The following ARNT2 variants were observed in gnomAD, a reference collection of about 807,000 sequenced individuals.
The protein encoded by ARNT2 is aryl hydrocarbon receptor nuclear translocator 2.
ARNT2 carries 36 observed loss-of-function variants against 91.7 expected under a neutral mutation model. The observed-to-expected ratio is 0.39, with a 90% CI of 0.30 to 0.52. ARNT2 has a LOEUF of 0.52. ARNT2 is among the 20% of genes least tolerant of loss of function. ARNT2 has a pLI of 0.72. For missense variants in ARNT2, 775 were observed against 939.3 expected (o/e 0.83, Z 2.29); for synonymous variants, 365 against 347.1 (o/e 1.05, Z -0.57).
intron 8 of ARNT2, among the ~76,000 whole-genome samples, chr15:80,524,743 C>T (rs146889136): frequency 0.018 from 2,672 of 151,914 alleles, 80 homozygotes; most frequent in African/African-American, 0.061. Context: ...GGCGTGGTGG[C>T]GGGCGCCTGT....
intron 6 of ARNT2, among the ~76,000 whole-genome samples, chr15:80,511,909 A>G (rs1342144159): frequency 6.6e-6 from 1 of 152,140 alleles, no homozygotes. Flanking sequence ...CCTGAATGTG[A>G]GCCCTGAATG....
At chr15:80,547,649 A>G (rs1312105062) in intron 8 of ARNT2, among the ~76,000 whole-genome samples, 1 of 152,256 alleles carries the variant, frequency 6.6e-6, no homozygotes, top group Non-Finnish European at 1.5e-5. Flanking sequence ...TTCAAGGAAA[A>G]CAATTGACAG....
chr15:80,484,182 CAA>C (rs60224399), intron 5 of ARNT2, among the ~76,000 whole-genome samples: 1 of 123,592 alleles, frequency 8.1e-6, no homozygotes, highest in Admixed American at 8.3e-5. Flanking sequence ...ATAAATGTGG[CAA>C]AAAAAAAAAA....
chr15:80,555,230 G>T, intron 11 of ARNT2, 91 bp downstream of exon 11: 1 of 1,416,424 alleles, frequency 7.1e-7, no homozygotes. Flanking sequence ...TATGTGCCAG[G>T]CAGGCTGCAA....
intron 8 of ARNT2, among the ~76,000 whole-genome samples, chr15:80,521,648 C>G (rs1332822135): frequency 1.3e-5 from 2 of 152,164 alleles, no homozygotes; most frequent in East Asian, 1.9e-4. Context: ...CACAAGAACA[C>G]AAAGCATATG....
chr15:80,532,045 A>G (rs1897748889), intron 8 of ARNT2, among the ~76,000 whole-genome samples: 1 of 152,232 alleles, frequency 6.6e-6, no homozygotes, highest in African/African-American at 2.4e-5. Flanking sequence ...AGTGAAAACA[A>G]GAACTGGATG....
chr15:80,427,252 G>A (rs997411023), intron 1 of ARNT2, among the ~76,000 whole-genome samples: 2 of 152,188 alleles, frequency 1.3e-5, no homozygotes, highest in African/African-American at 2.4e-5. Flanking sequence ...GGCTGTGTGA[G>A]TGGGGTTTGT....
At chr15:80,475,779 C>G (rs1896793762) in intron 5 of ARNT2, among the ~76,000 whole-genome samples, 1 of 152,148 alleles carries the variant, frequency 6.6e-6, no homozygotes, top group African/African-American at 2.4e-5. Context: ...ATATATTAGC[C>G]AGATCCATAT....
At chr15:80,409,124 T>C (rs1262578362) in intron 1 of ARNT2, among the ~76,000 whole-genome samples, 33 of 152,182 alleles carry the variant, frequency 2.2e-4, no homozygotes, top group Admixed American at 2.0e-3. Flanking sequence ...CTCTTGATGG[T>C]TGGTAGACGT....
At chr15:80,408,969 A>G (rs935590344) in intron 1 of ARNT2, among the ~76,000 whole-genome samples, 2 of 152,156 alleles carry the variant, frequency 1.3e-5, no homozygotes, top group African/African-American at 4.8e-5. Flanking sequence ...AGGCACAGAG[A>G]TTCCTCATAT....
chr15:80,431,981 A>G (rs1268322986), intron 1 of ARNT2, among the ~76,000 whole-genome samples: 1 of 152,202 alleles, frequency 6.6e-6, no homozygotes, highest in African/African-American at 2.4e-5. Flanking sequence ...TTCCTCCAGG[A>G]CAAGCTCAGG....
intron 5 of ARNT2, among the ~76,000 whole-genome samples, chr15:80,484,709 CA>C (rs1896940643): frequency 6.6e-6 from 1 of 152,328 alleles, no homozygotes; most frequent in East Asian, 1.9e-4. Context: ...ATAAAGGAGT[CA>C]GAGTGGTGCT....
chr15:80,526,808 C>T (rs1897647350), intron 8 of ARNT2, among the ~76,000 whole-genome samples: 1 of 152,224 alleles, frequency 6.6e-6, no homozygotes, highest in East Asian at 1.9e-4. Context: ...CACCAGACAG[C>T]TCAGTTTTGC....
chr15:80,479,641 C>T (rs1896856712), intron 5 of ARNT2, among the ~76,000 whole-genome samples: 1 of 152,150 alleles, frequency 6.6e-6, no homozygotes, highest in Non-Finnish European at 1.5e-5. Context: ...TGTTCAAGGC[C>T]TCATCCACCA....
Position 80,470,912 on chromosome 15 carries a change from A to C in ARNT2, c.408+481A>C, listed in dbSNP as rs75946223. Among the ~76,000 whole-genome samples, 1,341 of 152,358 alleles carry C rather than the reference A, an allele frequency of 8.8e-3. 24 individuals are homozygous for C. Among genetic ancestry groups the C allele is most frequent in the African/African-American group, 0.03 (1,230 of 41,584 alleles). On this transcript the variant is annotated intron_variant, in intron 4 of 18. Transcript: ENST00000303329. ...AGTGAGGTTGCAGAGAAAAGGGAAC[A>C]CTTATACACTGCTGGTGGGAGTGTA... is the stretch of plus-strand genomic sequence containing the variant.
chr15:80,481,187 GC>G (rs1233846914), intron 5 of ARNT2, among the ~76,000 whole-genome samples: 1 of 152,202 alleles, frequency 6.6e-6, no homozygotes, highest in Non-Finnish European at 1.5e-5. Context: ...GATATTTTCA[GC>G]CTTGGATCAC....
chr15:80,438,791 G>A (rs1301852376), intron 1 of ARNT2, among the ~76,000 whole-genome samples: 2 of 152,288 alleles, frequency 1.3e-5, no homozygotes, highest in African/African-American at 4.8e-5. Flanking sequence ...CTGGGTTCAC[G>A]CGATTCTCCT....
intron 1 of ARNT2, among the ~76,000 whole-genome samples, chr15:80,405,430 G>A (rs1449712698): frequency 6.6e-6 from 1 of 152,154 alleles, no homozygotes; most frequent in Non-Finnish European, 1.5e-5. Flanking sequence ...TGCAGGGAGA[G>A]TCACAGAGGG....
chr15:80,461,861 G>A (rs1305789475), intron 3 of ARNT2, among the ~76,000 whole-genome samples: 1 of 152,164 alleles, frequency 6.6e-6, no homozygotes, highest in Admixed American at 6.5e-5. Flanking sequence ...GGAATGCTTG[G>A]CTTGACCTCA....
Sources: allele counts gnomAD v4.1 joint callset (sites outside exome capture counted in the v4.1 genomes callset), GRCh38; gene constraint gnomAD v4.1.1; transcripts MANE v1.5; gene names NCBI Gene and HGNC (gene_info 2026-07-23, HGNC 2026-07-21).